Variants in CERKL observed in about 807,000 individuals in gnomAD.
CERKL encodes the protein CERK like autophagy regulator.
Under a neutral mutation model 63.4 loss-of-function variants are expected in CERKL, and 61 were observed. The ratio of observed to expected loss-of-function variants is 0.96; its 90% CI spans 0.78 to 1.19. The LOEUF (loss-of-function observed/expected upper bound fraction) is 1.19, where lower values mean the gene tolerates loss of function less well. CERKL is among the 50% of genes most tolerant of loss of function. The pLI, the probability that CERKL is intolerant of heterozygous loss-of-function variation, is 0.00. For missense variants in CERKL, 675 were observed against 655.5 expected (o/e 1.03, Z -0.33); for synonymous variants, 250 against 230.5 (o/e 1.08, Z -0.77).
intron 4 of CERKL, among the ~76,000 whole-genome samples, chr2:181,559,366 A>C (rs960812713): frequency 1.3e-5 from 2 of 152,188 alleles, no homozygotes; most frequent in African/African-American, 4.8e-5. Flanking sequence ...ATAACACAGA[A>C]GTACCAGAAA....
At chr2:181,547,956 A>G in intron 8 of CERKL, 109 bp from the exon 9 acceptor site, 1 of 1,053,910 alleles carries the variant, frequency 9.5e-7, no homozygotes, top group Non-Finnish European at 1.4e-6. Context: ...TCATCATTAT[A>G]TATGTTAAAT....
chr2:181,556,324 T>C (rs1268218399), intron 5 of CERKL, among the ~76,000 whole-genome samples: 3 of 152,098 alleles, frequency 2.0e-5, no homozygotes, highest in African/African-American at 7.2e-5. Flanking sequence ...ACATGTGCCA[T>C]GTTGGTGTGC....
Position 181,537,609 on chromosome 2 carries a change from A to T in CERKL, c.*575T>A, listed in dbSNP as rs779920731. The T allele has an allele frequency of 2.1e-5, 9 of 429,578 alleles. No homozygotes were observed. Among genetic ancestry groups the T allele is most frequent in the South Asian group, 1.5e-4 (9 of 59,014 alleles). The allele number at this position is 429,578 out of a possible 1,614,324, so 26.6% of individuals were successfully genotyped here. ...ATTATATTTGTAACAGAATATAGGA[A>T]ATTTAACATAATTGATGAGCTCAAA... On this transcript the variant is annotated 3_prime_UTR_variant, in exon 13 of 13. Coordinates refer to ENST00000410087, the MANE Select transcript of CERKL (RefSeq NM_201548.5).
intron 1 of CERKL, among the ~76,000 whole-genome samples, chr2:181,650,403 A>G (rs1388495359): frequency 6.6e-6 from 1 of 152,214 alleles, no homozygotes; most frequent in African/African-American, 2.4e-5. Flanking sequence ...CCCATATCAA[A>G]AAAGACAACA....
intron 1 of CERKL, among the ~76,000 whole-genome samples, chr2:181,605,878 G>A (rs187319506): frequency 5.3e-5 from 8 of 152,090 alleles, no homozygotes; most frequent in African/African-American, 7.2e-5. Context: ...GTTATCCTCC[G>A]ATTGGAGTGA....
chr2:181,571,001 T>A (rs1460175453), intron 3 of CERKL, among the ~76,000 whole-genome samples: 2 of 152,112 alleles, frequency 1.3e-5, no homozygotes, highest in African/African-American at 4.8e-5. Flanking sequence ...AAAGTACGAA[T>A]TCGATCTTAC....
Position 181,656,844 on chromosome 2 carries a change from C to A in CERKL, c.163G>T (p.Gly55Trp), listed in dbSNP as rs549986396. 7 of 1,604,850 alleles carry A rather than the reference C, an allele frequency of 4.4e-6. No homozygotes were observed. The South Asian group carries it at 7.7e-5, about 18-fold the overall frequency. The change falls in exon 1 of 13, where the codon GGG (glycine) becomes TGG (tryptophan). Residue 55 changes from glycine (G) to tryptophan (W), a missense_variant. Physicochemically the swap from Gly to Trp is radical, Grantham distance 184. Coordinates refer to ENST00000410087, the MANE Select transcript of CERKL (RefSeq NM_201548.5). Reference sequence around the variant, plus strand: ...AGCACCACGTCACAACTGTCCCTCCCGATCTCGAAGATGCCCCGGAGCAGA... The same window carrying A: ...AGCACCACGTCACAACTGTCCCTCCAGATCTCGAAGATGCCCCGGAGCAGA... The part of the protein sequence containing the change: ...RILLRGIFEI[G>W]RDSCDVVLSE...
intron 11 of CERKL, among the ~76,000 whole-genome samples, chr2:181,541,975 T>C (rs1044659048): frequency 1.3e-5 from 2 of 152,136 alleles, no homozygotes; most frequent in African/African-American, 4.8e-5. Context: ...TAAGACGAGA[T>C]GACAGAACCC....
At chr2:181,636,032 T>C (rs1164386056) in intron 1 of CERKL, among the ~76,000 whole-genome samples, 1 of 152,192 alleles carries the variant, frequency 6.6e-6, no homozygotes, top group Non-Finnish European at 1.5e-5. Context: ...CTAGGGCTCA[T>C]AGGAAATACA....
chr2:181,588,093 CACAT>C (rs371390640), intron 2 of CERKL, among the ~76,000 whole-genome samples: 1 of 152,218 alleles, frequency 6.6e-6, no homozygotes, highest in African/African-American at 2.4e-5. Flanking sequence ...TGCATTATCT[CACAT>C]ACTTATCATT....
intron 1 of CERKL, among the ~76,000 whole-genome samples, chr2:181,606,286 G>T (rs1212596838): frequency 2.8e-5 from 3 of 105,510 alleles, no homozygotes; most frequent in Admixed American, 9.3e-5. Flanking sequence ...AGGAAGACAG[G>T]GAGGGAGGGG....
chr2:181,568,977 G>C (rs1688788112), intron 3 of CERKL, among the ~76,000 whole-genome samples: 1 of 151,894 alleles, frequency 6.6e-6, no homozygotes, highest in African/African-American at 2.4e-5. Context: ...TAACAGTTCT[G>C]GTCCCAAGCC....
chr2:181,637,656 T>C (rs763417294), intron 1 of CERKL, among the ~76,000 whole-genome samples: 5 of 152,066 alleles, frequency 3.3e-5, no homozygotes, highest in African/African-American at 7.2e-5. Flanking sequence ...AGGAAAAGCA[T>C]AGAAGGGAAA....
chr2:181,638,979 T>C (rs951496989), intron 1 of CERKL, among the ~76,000 whole-genome samples: 4 of 151,482 alleles, frequency 2.6e-5, no homozygotes, highest in African/African-American at 9.7e-5. Context: ...AAAACATAAA[T>C]TGAAAGGAAA....
intron 1 of CERKL, among the ~76,000 whole-genome samples, chr2:181,643,008 G>T (rs146702209): frequency 6.6e-6 from 1 of 152,098 alleles, no homozygotes. Flanking sequence ...CGAGCAAAGG[G>T]CTTTGACTTA....
intron 1 of CERKL, among the ~76,000 whole-genome samples, chr2:181,650,953 C>T (rs10201723): frequency 6.6e-6 from 1 of 151,726 alleles, no homozygotes; most frequent in Non-Finnish European, 1.5e-5. Flanking sequence ...ACGAAGTCCC[C>T]GACACATACA....
At chr2:181,548,361 A>G in intron 8 of CERKL, 184 bp downstream of exon 8, 1 of 599,968 alleles carries the variant, frequency 1.7e-6, no homozygotes, top group Non-Finnish European at 2.9e-6. Flanking sequence ...GAAGGAAGGA[A>G]AAAGAGAAAA....
At chr2:181,613,544 G>A (rs1013762775) in intron 1 of CERKL, among the ~76,000 whole-genome samples, 1 of 152,138 alleles carries the variant, frequency 6.6e-6, no homozygotes, top group Non-Finnish European at 1.5e-5. Flanking sequence ...GTTTTCACAC[G>A]AATGGTCTTT....
chr2:181,549,269 T>C (rs1687879866), intron 6 of CERKL, among the ~76,000 whole-genome samples: 1 of 152,214 alleles, frequency 6.6e-6, no homozygotes, highest in Non-Finnish European at 1.5e-5. Flanking sequence ...TGTTTTTTCA[T>C]TAATAACATA....
Sources: allele counts gnomAD v4.1 joint callset (sites outside exome capture counted in the v4.1 genomes callset), GRCh38; gene constraint gnomAD v4.1.1; transcripts MANE v1.5; gene names NCBI Gene and HGNC (gene_info 2026-07-23, HGNC 2026-07-21).